GRK7: variants seen among roughly 807,000 people sequenced by gnomAD.
GRK7 encodes the protein G protein-coupled receptor kinase 7.
GRK7 carries 24 observed loss-of-function variants against 34.1 expected under a neutral mutation model. The ratio of observed to expected loss-of-function variants is 0.70; its 90% CI spans 0.51 to 0.99. The LOEUF is 0.99. Ranked by LOEUF, GRK7 falls within the 50% of genes least tolerant of loss-of-function variation. The probability of loss-of-function intolerance (pLI) is 0.00; values close to 1 mark genes in which losing one functional copy is unlikely to be tolerated. For synonymous variants in GRK7, 256 were observed against 279.4 expected (o/e 0.92, Z 0.84); for missense variants, 644 against 707.3 (o/e 0.91, Z 1.02).
At chr3:141,814,562 C>T (rs1559849250) in intron 5 of GRK7, among the ~76,000 whole-genome samples, 1 of 152,130 alleles carries the variant, frequency 6.6e-6, no homozygotes, top group South Asian at 2.1e-4. Context: ...GATTTCATTC[C>T]TTTTTATGGC....
upstream of GRK7, among the ~76,000 whole-genome samples, chr3:141,760,605 G>A (rs1339313777): frequency 2.0e-5 from 3 of 151,216 alleles, no homozygotes; most frequent in African/African-American, 7.3e-5. Context: ...ATTTGGGGTG[G>A]AGAGTTCTGT....
At chr3:141,762,294 G>T (rs1282533577), upstream of GRK7, among the ~76,000 whole-genome samples, 1 of 151,802 alleles carries the variant, frequency 6.6e-6, no homozygotes, top group Non-Finnish European at 1.5e-5. Context: ...TGGGTTTTCG[G>T]TGTGGATGTC....
rs141164395 is a variant in GRK7 at position 141,818,481 on chromosome 3, C to CA, written c.*1440dup. On this transcript the variant is annotated 3_prime_UTR_variant, in exon 6 of 6. Transcript: ENST00000682958. ...GGGCAGCAAGAGCAAGACTCTATCT[C>CA]AAAAAAAAACAAAACAAAACAAAAC... 9.1e-3 allele frequency: 1,320 copies of CA among 145,782 alleles called. 16 individuals are homozygous for CA. The highest frequency in any genetic ancestry group is 0.024 in the African/African-American group (957 of 39,120). The allele number at this position is 145,782 out of a possible 1,614,324, so 9.0% of individuals were successfully genotyped here.
intron 1 of GRK7, among the ~76,000 whole-genome samples, chr3:141,769,747 G>A (rs969140578): frequency 7.2e-5 from 11 of 152,078 alleles, no homozygotes; most frequent in Non-Finnish European, 1.5e-4. Context: ...CATCTCACTC[G>A]GCCTCGTGTG....
chr3:141,789,924 C>A (rs754245192), intron 4 of GRK7, among the ~76,000 whole-genome samples: 1 of 152,090 alleles, frequency 6.6e-6, no homozygotes, highest in Non-Finnish European at 1.5e-5. Context: ...TGATTCCAGG[C>A]ACATCAGATT....
Position 141,785,374 on chromosome 3 carries a change from G to A in GRK7, c.1050+4563G>A, listed in dbSNP as rs554458630. On this transcript the variant is annotated intron_variant, in intron 4 of 5. Coordinates refer to ENST00000682958, the MANE Select transcript of GRK7 (RefSeq NM_139209.3). Reference sequence around the variant, plus strand: ...CTCTGTTAAAAATCTCCTGGCTTGCGCTGGGTGTGGTGGCTCAGGCCTAAT... The same window carrying A: ...CTCTGTTAAAAATCTCCTGGCTTGCACTGGGTGTGGTGGCTCAGGCCTAAT... Among the ~76,000 whole-genome samples the A allele has an allele frequency of 7.0e-4, 107 of 152,324 alleles. 2 individuals are homozygous for A. In the South Asian group the frequency reaches 0.022, roughly 31 times the overall value.
At chr3:141,785,212 C>T (rs1016008537) in intron 4 of GRK7, among the ~76,000 whole-genome samples, 1 of 152,174 alleles carries the variant, frequency 6.6e-6, no homozygotes, top group African/African-American at 2.4e-5. Flanking sequence ...GGCATCATGG[C>T]TTTGGAAATT....
intron 1 of GRK7, among the ~76,000 whole-genome samples, chr3:141,774,159 A>G (rs1325550490): frequency 6.6e-6 from 1 of 152,202 alleles, no homozygotes; most frequent in Non-Finnish European, 1.5e-5. Context: ...CCAGCCGGGC[A>G]TGGTAGCTCA....
intron 5 of GRK7, among the ~76,000 whole-genome samples, chr3:141,809,212 T>C (rs938769484): frequency 6.6e-6 from 1 of 151,834 alleles, no homozygotes; most frequent in African/African-American, 2.4e-5. Flanking sequence ...AAAATAATAA[T>C]AATAATAATA....
At position 141,778,908 on chromosome 3, in the gene GRK7, C is replaced by T; in HGVS notation, c.612+12C>T. ...GTGGTTTTGGGGAGGTAAGTGTCTC[C>T]CAGTAGCCAGGCTAGAAGGTGAAGC... is the stretch of plus-strand genomic sequence containing the variant. On this transcript the variant is annotated intron_variant, in intron 3 of 5. Coordinates refer to ENST00000682958, the MANE Select transcript of GRK7 (RefSeq NM_139209.3). This position sits in a 1 kb window ranked among gnomAD's most constrained non-coding sequence, Gnocchi z 4.1. 6.3e-7 allele frequency: 1 copy of T among 1,595,346 alleles called. No homozygotes were observed. The highest frequency in any genetic ancestry group is 8.5e-7 in the Non-Finnish European group (1 of 1,172,846).
chr3:141,781,656 G>A (rs2084673047), intron 4 of GRK7, among the ~76,000 whole-genome samples: 1 of 152,116 alleles, frequency 6.6e-6, no homozygotes, highest in African/African-American at 2.4e-5. Context: ...TGTTTAGTGT[G>A]GAATGGGCGA....
At position 141,807,798 on chromosome 3, in the gene GRK7, G is replaced by T. The variant is rs150840377; in HGVS notation, c.1204G>T (p.Asp402Tyr). Residue 402 changes from aspartate (D) to tyrosine (Y), a missense_variant, in exon 5 of 6, where the codon GAT (aspartate) becomes TAT (tyrosine). Transcript: ENST00000682958. ...TTACAAGGAAAAGGTCAGTAAAGAG[G>T]ATCTGAAGCAAAGAACTCTGCAAGA... ...KDYKEKVSKE[D>Y]LKQRTLQDEV... 6.2e-6 allele frequency: 10 copies of T among 1,614,080 alleles called. No homozygotes were observed. In the South Asian group the frequency reaches 1.1e-4, roughly 18 times the overall value.
upstream of GRK7, among the ~76,000 whole-genome samples, chr3:141,762,407 G>A (rs2107868355): frequency 6.9e-6 from 1 of 145,736 alleles, no homozygotes; most frequent in Non-Finnish European, 1.5e-5. Flanking sequence ...GCTGGGGGGT[G>A]CCTCCCAGTT....
chr3:141,750,481 A>G, the GRK7 span, among the ~76,000 whole-genome samples: 2 of 152,168 alleles, frequency 1.3e-5, no homozygotes, highest in Non-Finnish European at 2.9e-5. Flanking sequence ...CCTCAACTAA[A>G]ATGGTATAAC....
At position 141,818,580 on chromosome 3, in the gene GRK7, A is replaced by G. The variant is rs1711178224; in HGVS notation, c.*1530A>G. ...CAAGTGGCTGCCCAGCCAACACTGT[A>G]TGGTAGAATTAGCACTTCTCAAAAG... On this transcript the variant is annotated 3_prime_UTR_variant, in exon 6 of 6. Transcript: ENST00000682958. 1.3e-5 allele frequency: 2 copies of G among 152,276 alleles called. No homozygotes were observed. Among genetic ancestry groups the G allele is most frequent in the Admixed American group, 1.3e-4 (2 of 15,276 alleles). The allele number at this position is 152,276 out of a possible 1,614,324, so 9.4% of individuals were successfully genotyped here.
In GRK7 at chr3:141,791,877, C is replaced by G. The variant is rs546291622; in HGVS notation, c.1050+11066C>G. Among the ~76,000 whole-genome samples, 15 of 150,496 alleles carry G rather than the reference C, an allele frequency of 1.0e-4. 1 individual carries two copies. The highest frequency in any genetic ancestry group is 3.7e-4 in the African/African-American group (15 of 40,976). ...AAATTAGCTGGGTGTGGTGGCGGGCCCCTATAATCCCAGCTACTTGGGAAG... is the reference window on the plus strand; with the variant it reads ...AAATTAGCTGGGTGTGGTGGCGGGCGCCTATAATCCCAGCTACTTGGGAAG... On this transcript the variant is annotated intron_variant, in intron 4 of 5. Transcript: ENST00000682958.
At position 141,817,687 on chromosome 3, in the gene GRK7, A is replaced by G. The variant is rs1198483777; in HGVS notation, c.*637A>G. 6.6e-6 allele frequency: 1 copy of G among 152,254 alleles called. No homozygotes were observed. 9.4% of individuals were successfully genotyped at this position (152,254 alleles called of 1,614,324 possible). ...ATCCATGACATCTGTGAATTAAAGC[A>G]TTCTGTAAATTTAGTTGAGTCCTTT... On this transcript the variant is annotated 3_prime_UTR_variant, in exon 6 of 6. Transcript: ENST00000682958.
At chr3:141,797,487 G>A (rs1046997638) in intron 4 of GRK7, among the ~76,000 whole-genome samples, 2 of 152,240 alleles carry the variant, frequency 1.3e-5, no homozygotes, top group African/African-American at 4.8e-5. Context: ...GAGGAAGGAA[G>A]GAGAGAGCCC....
At position 141,819,180 on chromosome 3, in the gene GRK7, T is replaced by C. The variant is rs960431145; in HGVS notation, c.*2130T>C. On this transcript the variant is annotated 3_prime_UTR_variant, in exon 6 of 6. Coordinates refer to ENST00000682958, the MANE Select transcript of GRK7 (RefSeq NM_139209.3). The stretch of plus-strand genomic sequence containing the variant: ...CACTCCAATGGTAGAGTTCTCAGGA[T>C]TGGGCTTTATAGACGTTAGACATTT... Among the ~76,000 whole-genome samples, 2 of 152,184 alleles carry C rather than the reference T, an allele frequency of 1.3e-5. No individual in the cohort carries two copies. Among genetic ancestry groups the C allele is most frequent in the Non-Finnish European group, 2.9e-5 (2 of 68,030 alleles).
Sources: allele counts gnomAD v4.1 joint callset (sites outside exome capture counted in the v4.1 genomes callset), GRCh38; gene constraint gnomAD v4.1.1; non-coding constraint Gnocchi (gnomAD v3.1); transcripts MANE v1.5; gene names NCBI Gene and HGNC (gene_info 2026-07-23, HGNC 2026-07-21).